The following RCAN2 variants were observed in gnomAD, a reference collection of about 807,000 sequenced individuals.
RCAN2 encodes calcipressin-2.
RCAN2 carries 9 observed loss-of-function variants against 23.6 expected under a neutral mutation model. The observed-to-expected ratio is 0.38, with a 90% CI of 0.23 to 0.67. The LOEUF is 0.67. Ranked by LOEUF, RCAN2 falls within the 30% of genes least tolerant of loss-of-function variation. RCAN2 has a pLI of 0.51. For synonymous variants in RCAN2, 109 were observed against 115.7 expected (o/e 0.94, Z 0.37); for missense variants, 273 against 302.3 (o/e 0.90, Z 0.72).
chr6:46,457,328 A>G (rs542795544), intron 1 of RCAN2, among the ~76,000 whole-genome samples: 8 of 152,364 alleles, frequency 5.3e-5, no homozygotes, highest in African/African-American at 1.9e-4. Flanking sequence ...TAAATTTAGA[A>G]CATCAATTAC....
intron 2 of RCAN2, among the ~76,000 whole-genome samples, chr6:46,318,694 C>T (rs971294128): frequency 3.3e-5 from 5 of 151,844 alleles, no homozygotes; most frequent in Non-Finnish European, 7.4e-5. Flanking sequence ...CAGAAAAAAC[C>T]TTCTATGGTA....
At chr6:46,468,477 C>A (rs1768455483) in intron 1 of RCAN2, among the ~76,000 whole-genome samples, 1 of 152,204 alleles carries the variant, frequency 6.6e-6, no homozygotes, top group Non-Finnish European at 1.5e-5. Flanking sequence ...TGAGGTCCAA[C>A]CCCACCACAG....
chr6:46,290,111 T>C (rs534192654), intron 2 of RCAN2, among the ~76,000 whole-genome samples: 1 of 152,030 alleles, frequency 6.6e-6, no homozygotes, highest in South Asian at 2.1e-4. Context: ...CTCCATGGAC[T>C]GCCAGCTACC....
intron 2 of RCAN2, among the ~76,000 whole-genome samples, chr6:46,454,772 T>C (rs1196187593): frequency 1.3e-5 from 2 of 152,246 alleles, no homozygotes; most frequent in Non-Finnish European, 2.9e-5. Context: ...CGTATACACA[T>C]TAGATGAGAA....
At chr6:46,441,256 A>T (rs767935520) in intron 2 of RCAN2, among the ~76,000 whole-genome samples, 4 of 152,236 alleles carry the variant, frequency 2.6e-5, no homozygotes. Flanking sequence ...AAAAAAGGGA[A>T]CTGAGTTTCA....
At chr6:46,474,501 A>G (rs1768656547) in intron 1 of RCAN2, among the ~76,000 whole-genome samples, 1 of 152,186 alleles carries the variant, frequency 6.6e-6, no homozygotes, top group Admixed American at 6.6e-5. Context: ...AGCTCAGTTA[A>G]GAGTTGGAGA....
At chr6:46,377,410 C>T (rs1463779472) in intron 2 of RCAN2, among the ~76,000 whole-genome samples, 1 of 152,276 alleles carries the variant, frequency 6.6e-6, no homozygotes, top group East Asian at 1.9e-4. Flanking sequence ...CGTGACTAAA[C>T]GGAGTCACGT....
Position 46,390,428 on chromosome 6 carries a change from C to T in RCAN2, c.225+66324G>A, listed in dbSNP as rs112040879. Among the ~76,000 whole-genome samples, 139 of 152,320 alleles carry T rather than the reference C, an allele frequency of 9.1e-4. 2 individuals are homozygous for T. Among genetic ancestry groups the T allele is most frequent in the Middle Eastern group, 3.4e-3 (1 of 294 alleles). On this transcript the variant is annotated intron_variant, in intron 2 of 4. Coordinates refer to ENST00000371374, the MANE Select transcript of RCAN2 (RefSeq NM_001251974.2). Reference sequence around the variant, plus strand: ...ACAGATCCAAAACCCAGGGCTGAGCCTTTCCAAATACAAAGTCAAAAGTCT... The same window carrying T: ...ACAGATCCAAAACCCAGGGCTGAGCTTTTCCAAATACAAAGTCAAAAGTCT...
At chr6:46,473,481 A>G (rs147902896) in intron 1 of RCAN2, among the ~76,000 whole-genome samples, 17 of 152,244 alleles carry the variant, frequency 1.1e-4, no homozygotes, top group African/African-American at 4.1e-4. Context: ...ACTATTACCT[A>G]TAAATCACCA....
At chr6:46,484,251 CT>C (rs546275213) in intron 1 of RCAN2, among the ~76,000 whole-genome samples, 2 of 152,050 alleles carry the variant, frequency 1.3e-5, no homozygotes, top group Non-Finnish European at 2.9e-5. Context: ...AATGTAGAGC[CT>C]TTTTTTCTTT....
intron 2 of RCAN2, among the ~76,000 whole-genome samples, chr6:46,333,055 G>A (rs967650542): frequency 6.6e-6 from 1 of 152,066 alleles, no homozygotes; most frequent in African/African-American, 2.4e-5. Context: ...TTCTCTGATG[G>A]CCAGTGATGA....
At chr6:46,447,890 AAAG>A (rs1299393126) in intron 2 of RCAN2, among the ~76,000 whole-genome samples, 3 of 151,782 alleles carry the variant, frequency 2.0e-5, no homozygotes, top group Non-Finnish European at 4.4e-5. Context: ...CTACATCAAA[AAAG>A]AAGATTTCAA....
chr6:46,322,173 T>C (rs942957665), intron 2 of RCAN2, among the ~76,000 whole-genome samples: 3 of 152,234 alleles, frequency 2.0e-5, no homozygotes, highest in African/African-American at 7.2e-5. Context: ...GGTTTGGCTC[T>C]TTGTGGAGTG....
intron 4 of RCAN2, 136 bp from the exon 5 acceptor site, chr6:46,223,437 AG>A: frequency 1.3e-6 from 1 of 756,044 alleles, no homozygotes; most frequent in South Asian, 1.8e-5. Flanking sequence ...GGGATGGCAC[AG>A]GGTGTTGGCA....
intron 2 of RCAN2, among the ~76,000 whole-genome samples, chr6:46,387,706 G>A (rs1321172783): frequency 6.6e-6 from 1 of 152,184 alleles, no homozygotes; most frequent in Non-Finnish European, 1.5e-5. Context: ...GATTCCTCAA[G>A]GATGTAGAAC....
Position 46,221,743 on chromosome 6 carries a change from G to C in RCAN2, c.*1398C>G. On this transcript the variant is annotated 3_prime_UTR_variant, in exon 5 of 5. Coordinates refer to ENST00000371374, the MANE Select transcript of RCAN2 (RefSeq NM_001251974.2). The stretch of plus-strand genomic sequence containing the variant: ...TGTGTTTTTCTGAGGCTTGGGTAAT[G>C]AAAGTACTTCCCCACTCCATTGTAA... 1 of 392,824 alleles carries C rather than the reference G, an allele frequency of 2.5e-6. No homozygotes were observed. Among genetic ancestry groups the C allele is most frequent in the Non-Finnish European group, 4.5e-6 (1 of 222,706 alleles). The allele number at this position is 392,824 out of a possible 1,614,324, so 24.3% of individuals were successfully genotyped here. A position where few individuals can be genotyped will look rare whatever the true frequency, so the allele number is the denominator to read the frequency against.
At chr6:46,448,485 A>G (rs933184437) in intron 2 of RCAN2, among the ~76,000 whole-genome samples, 1 of 151,918 alleles carries the variant, frequency 6.6e-6, no homozygotes. Flanking sequence ...TTACAAAGTC[A>G]GTATTACCCT....
At chr6:46,409,790 C>T (rs1056405786) in intron 2 of RCAN2, among the ~76,000 whole-genome samples, 4 of 152,126 alleles carry the variant, frequency 2.6e-5, no homozygotes, top group African/African-American at 7.2e-5. Flanking sequence ...TGAGATATAT[C>T]GTGTGATAGT....
chr6:46,312,250 G>C (rs986261787), intron 2 of RCAN2, among the ~76,000 whole-genome samples: 1 of 151,902 alleles, frequency 6.6e-6, no homozygotes, highest in Admixed American at 6.6e-5. Flanking sequence ...GGTCAACTTC[G>C]GGAGTTTTAG....
Sources: gnomAD v4.1 joint callset for allele counts (sites outside exome capture counted in the v4.1 genomes callset) on GRCh38, gnomAD v4.1.1 for gene constraint, MANE v1.5 for transcripts, NCBI Gene and HGNC (gene_info 2026-07-23, HGNC 2026-07-21) for gene names.